Variants in MRPL22 observed in about 807,000 individuals in gnomAD.
MRPL22 encodes the protein mitochondrial ribosomal protein L22.
MRPL22 carries 27 observed loss-of-function variants against 32.4 expected under a neutral mutation model. The ratio of observed to expected loss-of-function variants is 0.83; its 90% CI spans 0.61 to 1.15. The LOEUF (loss-of-function observed/expected upper bound fraction) is 1.15, where lower values mean the gene tolerates loss of function less well. Ranked by LOEUF, MRPL22 falls within the 50% of genes most tolerant of loss-of-function variation. The pLI, the probability that MRPL22 is intolerant of heterozygous loss-of-function variation, is 0.00. For synonymous variants in MRPL22, 86 were observed against 87.3 expected (o/e 0.99, Z 0.08); for missense variants, 239 against 260.2 (o/e 0.92, Z 0.56).
Position 154,957,146 on chromosome 5 carries a change from G to C in MRPL22, c.273G>C (p.Met91Ile). 2 of 1,612,754 alleles carry C rather than the reference G, an allele frequency of 1.2e-6. No individual in the cohort carries two copies. Among genetic ancestry groups the C allele is most frequent in the Non-Finnish European group, 1.7e-6 (2 of 1,178,932 alleles). Residue 91 changes from methionine to isoleucine, a missense_variant, in exon 5 of 7, where the codon ATG becomes ATC. Physicochemically the swap from Met to Ile is conservative, Grantham distance 10. Transcript: ENST00000523037. ...CCCTTTAATTCTAGATACGAGGAATGTCTATTGACCAGGCTTTGGCTCAGT... is the reference window on the plus strand; with the variant it reads ...CCCTTTAATTCTAGATACGAGGAATCTCTATTGACCAGGCTTTGGCTCAGT... ...MWYLAKLIRG[M>I]SIDQALAQLE...
intron 2 of MRPL22, among the ~76,000 whole-genome samples, chr5:154,948,647 C>A (rs911164767): frequency 1.3e-5 from 2 of 152,144 alleles, no homozygotes; most frequent in Non-Finnish European, 2.9e-5. Flanking sequence ...CACATAATGC[C>A]TCCTTTATCC....
intron 2 of MRPL22, among the ~76,000 whole-genome samples, chr5:154,947,122 G>T (rs1561738189): frequency 1.3e-5 from 2 of 152,130 alleles, no homozygotes; most frequent in Admixed American, 6.5e-5. Context: ...TAAGTGTCAG[G>T]TTAAGTATTT....
chr5:154,956,485 C>G (rs1350751216), intron 4 of MRPL22, 49 bp downstream of exon 4: 2 of 1,303,160 alleles, frequency 1.5e-6, no homozygotes, highest in African/African-American at 1.5e-5. Flanking sequence ...AGGAAAGAAG[C>G]TATGAGTTCC....
intron 3 of MRPL22, chr5:154,955,118 T>G (rs1342743379): frequency 6.6e-6 from 1 of 152,212 alleles, no homozygotes; most frequent in Non-Finnish European, 1.5e-5. Context: ...ATGAAAGATT[T>G]CATTGAGTGG....
At chr5:154,942,665 C>T (rs949312470) in intron 2 of MRPL22, among the ~76,000 whole-genome samples, 2 of 152,234 alleles carry the variant, frequency 1.3e-5, no homozygotes, top group African/African-American at 4.8e-5. Flanking sequence ...AGGAAGTTTT[C>T]ACTGGTTTCT....
intron 2 of MRPL22, among the ~76,000 whole-genome samples, chr5:154,949,303 C>T (rs1764529421): frequency 6.6e-6 from 1 of 151,814 alleles, no homozygotes; most frequent in Non-Finnish European, 1.5e-5. Context: ...ATTTCCATAC[C>T]AAGAATCCCA....
At chr5:154,941,331 CTG>C (rs1764412587) in intron 2 of MRPL22, 66 bp downstream of exon 2, 1 of 1,598,392 alleles carries the variant, frequency 6.3e-7, no homozygotes, top group African/African-American at 1.3e-5. Context: ...CAGTTGGTAA[CTG>C]AGCGCCTCCG....
At chr5:154,961,206 T>C (rs1472535658) in intron 6 of MRPL22, among the ~76,000 whole-genome samples, 1 of 152,228 alleles carries the variant, frequency 6.6e-6, no homozygotes, top group Admixed American at 6.5e-5. Context: ...CTGAATCTTG[T>C]ATAATTTTAT....
intron 6 of MRPL22, among the ~76,000 whole-genome samples, chr5:154,964,497 C>G (rs745478520): frequency 6.6e-6 from 1 of 152,196 alleles, no homozygotes; most frequent in African/African-American, 2.4e-5. Flanking sequence ...CAACTATGTT[C>G]TAAGTCCTGA....
chr5:154,950,672 T>C, intron 2 of MRPL22, 149 bp from the exon 3 acceptor site: 1 of 670,028 alleles, frequency 1.5e-6, no homozygotes, highest in Admixed American at 2.8e-5. Flanking sequence ...AAAAGTAGTC[T>C]CTATTAATGA....
At chr5:154,956,770 A>G (rs1269054119) in intron 4 of MRPL22, 1 of 335,656 alleles carries the variant, frequency 3.0e-6, no homozygotes, top group Non-Finnish European at 5.4e-6. Flanking sequence ...TTTCCCTAGG[A>G]AATGAAATTT....
chr5:154,946,752 C>T (rs894099885), intron 2 of MRPL22, among the ~76,000 whole-genome samples: 3 of 152,140 alleles, frequency 2.0e-5, no homozygotes, highest in Non-Finnish European at 2.9e-5. Flanking sequence ...ATCCAGGAGG[C>T]GGAGGTTGCA....
In MRPL22 at chr5:154,941,814, C is replaced by T. The variant is rs1764420667; in HGVS notation, c.77+549C>T. Among the ~76,000 whole-genome samples, 5 of 152,278 alleles carry T rather than the reference C, an allele frequency of 3.3e-5. 1 individual carries two copies. The South Asian group carries it at 1.0e-3, about 32-fold the overall frequency. ...AGCTTTATACCAGAGCATTCTGTAG[C>T]CTTAGGACAAAAGCATTCATTAAAG... On this transcript the variant is annotated intron_variant, in intron 2 of 6. Coordinates refer to ENST00000523037, the MANE Select transcript of MRPL22 (RefSeq NM_014180.4).
intron 3 of MRPL22, among the ~76,000 whole-genome samples, chr5:154,951,929 C>T (rs1764569101): frequency 6.8e-6 from 1 of 146,780 alleles, no homozygotes; most frequent in African/African-American, 2.6e-5. Flanking sequence ...GTCGCCCAGG[C>T]TGGAGTGCAG....
intron 5 of MRPL22, 71 bp from the exon 6 acceptor site, chr5:154,959,907 TGA>T: frequency 2.0e-6 from 2 of 1,005,884 alleles, no homozygotes; most frequent in Non-Finnish European, 3.1e-6. Context: ...ACAGAGATAA[TGA>T]GAGATGAGAA....
rs1764802817 is a variant in MRPL22 at position 154,968,501 on chromosome 5, T to A, written c.*1604T>A. The A allele has an allele frequency of 6.6e-6, 1 of 152,246 alleles. No homozygotes were observed. The highest frequency in any genetic ancestry group is 6.5e-5 in the Admixed American group (1 of 15,288). 9.4% of individuals were successfully genotyped at this position (152,246 alleles called of 1,614,324 possible). A position where few individuals can be genotyped will look rare whatever the true frequency, so the allele number is the denominator to read the frequency against. Reference sequence around the variant, plus strand: ...CTCAATGTTCTCTGTAGAAAACCTTTTTTAGAATCACTTGAAGAATTTGTT... The same window carrying A: ...CTCAATGTTCTCTGTAGAAAACCTTATTTAGAATCACTTGAAGAATTTGTT... On this transcript the variant is annotated 3_prime_UTR_variant, in exon 7 of 7. Coordinates refer to ENST00000523037, the MANE Select transcript of MRPL22 (RefSeq NM_014180.4).
Position 154,967,951 on chromosome 5 carries a change from TG to T in MRPL22, c.*1055del, listed in dbSNP as rs1764790718. On this transcript the variant is annotated 3_prime_UTR_variant, in exon 7 of 7. Coordinates refer to ENST00000523037, the MANE Select transcript of MRPL22 (RefSeq NM_014180.4). The surrounding 1 kb of genome is among the most constrained non-coding windows in gnomAD (Gnocchi z 4.7). ...CTTTGAGAATACGGCTTTAGGAGAA[TG>T]AAAAAATGTAGTTTTATTGCCATGT... 6.6e-6 allele frequency: 1 copy of T among 152,122 alleles called. No homozygotes were observed. Among genetic ancestry groups the T allele is most frequent in the Non-Finnish European group, 1.5e-5 (1 of 68,004 alleles). 9.4% of individuals were successfully genotyped at this position (152,122 alleles called of 1,614,324 possible). A position where few individuals can be genotyped will look rare whatever the true frequency, so the allele number is the denominator to read the frequency against.
At chr5:154,957,674 G>T (rs1015359972) in intron 5 of MRPL22, among the ~76,000 whole-genome samples, 3 of 151,940 alleles carry the variant, frequency 2.0e-5, no homozygotes, top group Non-Finnish European at 4.4e-5. Flanking sequence ...CCCTGGACTG[G>T]AACTCAAGAG....
intron 2 of MRPL22, among the ~76,000 whole-genome samples, chr5:154,949,262 T>C (rs181090266): frequency 6.6e-6 from 1 of 152,226 alleles, no homozygotes; most frequent in Non-Finnish European, 1.5e-5. Flanking sequence ...GATCTAGTAC[T>C]TATTGGATTT....
Sources: allele counts gnomAD v4.1 joint callset (sites outside exome capture counted in the v4.1 genomes callset), GRCh38; gene constraint gnomAD v4.1.1; non-coding constraint Gnocchi (gnomAD v3.1); transcripts MANE v1.5; gene names NCBI Gene and HGNC (gene_info 2026-07-23, HGNC 2026-07-21).